ANKS1A: variants seen among roughly 807,000 people sequenced by gnomAD.
The protein encoded by ANKS1A is ankyrin repeat and SAM domain-containing protein 1A.
A neutral mutation model predicts 120.3 loss-of-function variants in ANKS1A; 55 were observed. That is an observed-to-expected ratio of 0.46 (90% CI 0.37 to 0.57). The LOEUF is 0.57. Ranked by LOEUF, ANKS1A falls within the 20% of genes least tolerant of loss-of-function variation. The pLI is 0.00. For missense variants in ANKS1A, 1,123 were observed against 1,480.3 expected (o/e 0.76, Z 3.96); for synonymous variants, 590 against 604.7 (o/e 0.98, Z 0.36).
At position 34,985,144 on chromosome 6, in the gene ANKS1A, G is replaced by C. The variant is rs201587766; in HGVS notation, c.1075G>C (p.Gly359Arg). The change falls in exon 8 of 24, where the codon GGT becomes CGT. Residue 359 changes from glycine to arginine, a missense_variant. This residue lies in a region of ANKS1A where 904 missense variants were observed against 1,130.4 expected (regional missense o/e 0.80). Transcript: ENST00000360359. ...IDFDANAEEE[G>R]PYEALYNAIS... ...TTTTGATGCAAATGCTGAAGAAGAGGGTCCCTACGAAGCTCTGTATAATGC... is the reference window on the plus strand; with the variant it reads ...TTTTGATGCAAATGCTGAAGAAGAGCGTCCCTACGAAGCTCTGTATAATGC... The C allele has an allele frequency of 3.7e-6, 6 of 1,614,086 alleles. No homozygotes were observed. Among genetic ancestry groups the C allele is most frequent in the Non-Finnish European group, 5.1e-6 (6 of 1,180,012 alleles).
chr6:34,959,111 A>G (rs1387094723), intron 1 of ANKS1A, among the ~76,000 whole-genome samples: 1 of 152,222 alleles, frequency 6.6e-6, no homozygotes, highest in Non-Finnish European at 1.5e-5. Context: ...AGCTAAGGCC[A>G]CTTAGGGTAT....
rs75997394 is a variant in ANKS1A, at chr6:35,072,841, G to A, written c.2185-5717G>A. ...AGGGGCTGTGCCCCAGCCCAGGACG[G>A]GTGTCCTGCTCCTGCTGTCTGGCAG... On this transcript the variant is annotated intron_variant, in intron 13 of 23. Coordinates refer to ENST00000360359, the MANE Select transcript of ANKS1A (RefSeq NM_015245.3). Among the ~76,000 whole-genome samples the A allele has an allele frequency of 1.3e-4, 20 of 152,318 alleles. No individual in the cohort carries two copies. The South Asian group carries it at 3.7e-3, about 28-fold the overall frequency.
chr6:34,944,799 G>T (rs1262325593), intron 1 of ANKS1A, among the ~76,000 whole-genome samples: 7 of 152,094 alleles, frequency 4.6e-5, no homozygotes, highest in Non-Finnish European at 8.8e-5. Context: ...TTGTTCAAGG[G>T]TCAGCTGTAT....
chr6:35,090,565 A>T lies in ANKS1A; in HGVS notation c.*1956A>T. ...TTGGAAGCCTTGGCTAGTCTGCTCTAGCTCTGGGTTCTGTTTAGAGATTGG... is the reference window on the plus strand; with the variant it reads ...TTGGAAGCCTTGGCTAGTCTGCTCTTGCTCTGGGTTCTGTTTAGAGATTGG... On this transcript the variant is annotated 3_prime_UTR_variant, in exon 24 of 24. Transcript: ENST00000360359. The T allele has an allele frequency of 7.9e-6, 8 of 1,017,238 alleles. No homozygotes were observed. The highest frequency in any genetic ancestry group is 8.2e-6 in the Non-Finnish European group (7 of 849,566). The allele number at this position is 1,017,238 out of a possible 1,614,324, so 63.0% of individuals were successfully genotyped here.
At chr6:35,027,001 G>A (rs1280413632) in intron 11 of ANKS1A, among the ~76,000 whole-genome samples, 1 of 152,172 alleles carries the variant, frequency 6.6e-6, no homozygotes, top group Non-Finnish European at 1.5e-5. Flanking sequence ...TGTTGGGTGA[G>A]TTCTGGCAGA....
At chr6:35,068,883 C>T (rs1776928675) in intron 13 of ANKS1A, among the ~76,000 whole-genome samples, 2 of 152,126 alleles carry the variant, frequency 1.3e-5, no homozygotes, top group South Asian at 4.1e-4. Flanking sequence ...GGGCTGCCGG[C>T]CGAGTGTAAA....
At chr6:35,022,767 T>A (rs1223285306) in intron 11 of ANKS1A, among the ~76,000 whole-genome samples, 1 of 152,236 alleles carries the variant, frequency 6.6e-6, no homozygotes, top group Non-Finnish European at 1.5e-5. Context: ...TTAACCTCTG[T>A]TAACATTCAA....
chr6:34,991,537 T>A (rs113905113), intron 9 of ANKS1A, among the ~76,000 whole-genome samples: 107,072 of 138,574 alleles, frequency 0.77, 42,658 homozygotes, highest in Non-Finnish European at 0.88. Context: ...AAAAAAAAAA[T>A]ATATACACAC....
chr6:35,019,334 T>G (rs1286522841), intron 11 of ANKS1A, among the ~76,000 whole-genome samples: 1 of 152,208 alleles, frequency 6.6e-6, no homozygotes, highest in Non-Finnish European at 1.5e-5. Flanking sequence ...TTGAACAATC[T>G]GTACACTTAA....
In ANKS1A at chr6:35,057,792, T is replaced by A. The variant is rs543559111; in HGVS notation, c.2078-2355T>A. ...GGCCTTATTTCATTGCCTGTTTTTA[T>A]AAGAAGCACAGTCATTCGTAAAGTG... On this transcript the variant is annotated intron_variant, in intron 12 of 23. Coordinates refer to ENST00000360359, the MANE Select transcript of ANKS1A (RefSeq NM_015245.3). The surrounding 1 kb of genome is among the most constrained non-coding windows in gnomAD (Gnocchi z 4.1). Among the ~76,000 whole-genome samples, 1 of 152,344 alleles carries A rather than the reference T, an allele frequency of 6.6e-6. No individual in the cohort carries two copies. The highest frequency in any genetic ancestry group is 2.1e-4 in the South Asian group (1 of 4,822).
rs1776436783 is a variant in ANKS1A at position 35,060,342 on chromosome 6, C to T, written c.2184+89C>T. ...TCCCCTCTGGCCCCACAGGAGTCTG[C>T]AACAGTACGTAGACCCAAATCCCAG... On this transcript the variant is annotated intron_variant, in intron 13 of 23. Transcript: ENST00000360359. This position sits in a 1 kb window ranked among gnomAD's most constrained non-coding sequence, Gnocchi z 4.5. The T allele has an allele frequency of 8.5e-7, 1 of 1,172,240 alleles. No individual in the cohort carries two copies. The highest frequency in any genetic ancestry group is 1.5e-5 in the African/African-American group (1 of 65,948). 72.6% of individuals were successfully genotyped at this position (1,172,240 alleles called of 1,614,324 possible).
At position 35,060,309 on chromosome 6, in the gene ANKS1A, C is replaced by T; in HGVS notation, c.2184+56C>T. 3 of 1,455,908 alleles carry T rather than the reference C, an allele frequency of 2.1e-6. No individual in the cohort carries two copies. Among genetic ancestry groups the T allele is most frequent in the Middle Eastern group, 2.4e-4 (1 of 4,240 alleles). The allele number at this position is 1,455,908 out of a possible 1,614,324, so 90.2% of individuals were successfully genotyped here. A position where few individuals can be genotyped will look rare whatever the true frequency, so the allele number is the denominator to read the frequency against. ...GGTGCTGCTCAGTGGAAACAGGCCT[C>T]CCTGGCCTCCCCTCTGGCCCCACAG... is the stretch of plus-strand genomic sequence containing the variant. On this transcript the variant is annotated intron_variant, in intron 13 of 23. Transcript: ENST00000360359. This position sits in a 1 kb window ranked among gnomAD's most constrained non-coding sequence, Gnocchi z 4.5.
intron 11 of ANKS1A, among the ~76,000 whole-genome samples, chr6:35,019,019 G>A (rs888867571): frequency 2.0e-5 from 3 of 152,180 alleles, no homozygotes; most frequent in Non-Finnish European, 4.4e-5. Context: ...GGGATAAGTG[G>A]TTCAGGAAAT....
chr6:34,927,264 C>T (rs1470400585), intron 1 of ANKS1A, among the ~76,000 whole-genome samples: 1 of 151,404 alleles, frequency 6.6e-6, no homozygotes, highest in Non-Finnish European at 1.5e-5. Flanking sequence ...TTGAGTCAGG[C>T]TCTAAGAGAA....
At chr6:35,071,596 G>C (rs377330235) in intron 13 of ANKS1A, among the ~76,000 whole-genome samples, 20 of 152,052 alleles carry the variant, frequency 1.3e-4, no homozygotes, top group African/African-American at 4.6e-4. Flanking sequence ...TTGGCCTAGA[G>C]GGGGGGTCCA....
At chr6:34,989,411 C>T (rs147522240) in intron 9 of ANKS1A, 95 bp downstream of exon 9, 3 of 1,082,094 alleles carry the variant, frequency 2.8e-6, no homozygotes, top group African/African-American at 3.2e-5. Flanking sequence ...TTCTCATCTT[C>T]TCATCAGCTC....
At chr6:34,994,174 T>G (rs1772722343) in intron 9 of ANKS1A, 128 bp from the exon 10 acceptor site, 1 of 1,247,284 alleles carries the variant, frequency 8.0e-7, no homozygotes, top group Admixed American at 2.3e-5. Context: ...ACACTTGAAT[T>G]ATTCACCTTC....
At chr6:35,028,115 T>C (rs986919090) in intron 11 of ANKS1A, among the ~76,000 whole-genome samples, 2 of 152,072 alleles carry the variant, frequency 1.3e-5, no homozygotes, top group Admixed American at 1.3e-4. Flanking sequence ...AGCTGAAATG[T>C]TGTGGTTTGT....
At position 34,982,546 on chromosome 6, in the gene ANKS1A, C is replaced by G. The variant is rs970932701; in HGVS notation, c.733-206C>G. On this transcript the variant is annotated intron_variant, in intron 4 of 23. Transcript: ENST00000360359. The surrounding 1 kb of genome is among the most constrained non-coding windows in gnomAD (Gnocchi z 4.9). Reference sequence around the variant, plus strand: ...AACTGTTCAGTTATTCACACGTGGCCTGCTGGTGGCACAGAATGGCCTTGG... The same window carrying G: ...AACTGTTCAGTTATTCACACGTGGCGTGCTGGTGGCACAGAATGGCCTTGG... Among the ~76,000 whole-genome samples the G allele has an allele frequency of 6.6e-6, 1 of 152,196 alleles. No individual in the cohort carries two copies. The highest frequency in any genetic ancestry group is 2.4e-5 in the African/African-American group (1 of 41,436).
Sources: gnomAD v4.1 joint callset for allele counts (sites outside exome capture counted in the v4.1 genomes callset) on GRCh38, gnomAD v4.1.1 for gene constraint, gnomAD v4.1.1 regional missense constraint, Gnocchi (gnomAD v3.1) non-coding constraint, MANE v1.5 for transcripts, NCBI Gene and HGNC (gene_info 2026-07-23, HGNC 2026-07-21) for gene names.